ELN: variants seen among roughly 807,000 people sequenced by gnomAD.
ELN encodes tropoelastin.
In ELN, 65 loss-of-function variants were observed where a neutral mutation model predicts 105.8. The ratio of observed to expected loss-of-function variants is 0.61; its 90% confidence interval spans 0.50 to 0.75. The LOEUF (loss-of-function observed/expected upper bound fraction) is 0.75. Among genes scored for constraint, ELN ranks in the 30% least tolerant of loss-of-function variants. The pLI, the probability that ELN is intolerant of heterozygous loss-of-function variation, is 0.00. For synonymous variants in ELN, 368 were observed against 389.2 expected, an observed-to-expected ratio of 0.95 and a Z score of 0.64; for missense variants, 882 against 969.4, an observed-to-expected ratio of 0.91 and a Z score of 1.20.
At chr7:74,067,990 C>T (rs1333435208) in intron 32 of ELN, among the ~76,000 whole-genome samples, 2 of 151,366 alleles carry the variant, frequency 1.3e-5, no homozygotes, top group Admixed American at 1.3e-4. Context: ...GTTCCTGCCC[C>T]ACTCTCTGCT....
chr7:74,039,838 C>G (rs150809218), intron 4 of ELN, among the ~76,000 whole-genome samples: 1 of 152,336 alleles, frequency 6.6e-6, no homozygotes, highest in African/African-American at 2.4e-5. Context: ...TAAGCCTCAT[C>G]GGAGAGGCAA....
chr7:74,066,858 A>G lies in ELN; in HGVS notation c.2131+82A>G. ...TCCTCTCCTGTGCCATCTCCTGCTC[A>G]GAAGGGCTGAGCCAGCACCCAGGGG... On this transcript the variant is annotated intron_variant, in intron 32 of 32. Transcript: ENST00000252034. The G allele has an allele frequency of 4.7e-6, 7 of 1,491,028 alleles. No individual in the cohort carries two copies. In the South Asian group the frequency reaches 6.9e-5, roughly 15 times the overall value. The allele number at this position is 1,491,028 out of a possible 1,614,324, so 92.4% of individuals were successfully genotyped here.
rs1554673912 is a variant in ELN, at chr7:74,048,493, C to G, written c.746-10C>G. On this transcript the variant is annotated splice_polypyrimidine_tract_variant and intron_variant, in intron 14 of 32. Coordinates refer to ENST00000252034, the MANE Select transcript of ELN (RefSeq NM_000501.4). Reference sequence around the variant, plus strand: ...TTTCAAGGTCTCTCCCCTCTGCTTCCTTCCCCCAGGGGTTGGCCCCCAGGC... The same window carrying G: ...TTTCAAGGTCTCTCCCCTCTGCTTCGTTCCCCCAGGGGTTGGCCCCCAGGC... 6.2e-7 allele frequency: 1 copy of G among 1,614,042 alleles called. No homozygotes were observed. Among genetic ancestry groups the G allele is most frequent in the Admixed American group, 1.7e-5 (1 of 60,016 alleles).
At chr7:74,048,258 G>A in intron 14 of ELN, 57 bp downstream of exon 14, 2 of 1,609,852 alleles carry the variant, frequency 1.2e-6, no homozygotes, top group South Asian at 2.2e-5. Flanking sequence ...CCAGGCTCCA[G>A]AGCCCTGGGG....
chr7:74,056,248 A>C, intron 19 of ELN, 23 bp from the exon 20 acceptor site: 2 of 1,614,046 alleles, frequency 1.2e-6, no homozygotes, highest in Middle Eastern at 3.3e-4. Flanking sequence ...CTTCTTTTCT[A>C]CTTGGCTCCC....
rs1325057850 is a variant in ELN, at chr7:74,068,974, C to A, written c.*274C>A. On this transcript the variant is annotated 3_prime_UTR_variant, in exon 33 of 33. Coordinates refer to ENST00000252034, the MANE Select transcript of ELN (RefSeq NM_000501.4). ...CCCACCTAGGAGCTCCCCCTCCACA[C>A]AGCCTCCATCTCCAGGGGAACTTGG... 7.5e-6 allele frequency: 4 copies of A among 531,756 alleles called. No homozygotes were observed. The highest frequency in any genetic ancestry group is 1.9e-5 in the African/African-American group (1 of 52,682). 32.9% of individuals were successfully genotyped at this position (531,756 alleles called of 1,614,324 possible).
rs1267495908 is a variant in ELN at position 74,045,405 on chromosome 7, A to G, written c.541+112A>G. 1.9e-5 allele frequency: 24 copies of G among 1,246,716 alleles called. No homozygotes were observed. In the African/African-American group the frequency reaches 2.8e-4, roughly 15 times the overall value. 77.2% of individuals were successfully genotyped at this position (1,246,716 alleles called of 1,614,324 possible). On this transcript the variant is annotated intron_variant, in intron 10 of 32. Transcript: ENST00000252034. ...ACTGGCTCAGGGCCCTCTGGGTGAC[A>G]CTTTTTATGTTCCAGCCCTGGGCAG...
chr7:74,045,853 G>T (rs971178417), intron 10 of ELN: 1 of 351,662 alleles, frequency 2.8e-6, no homozygotes, highest in Non-Finnish European at 5.4e-6. Flanking sequence ...TGACCAACAC[G>T]GTGAAGCCCT....
intron 26 of ELN, among the ~76,000 whole-genome samples, chr7:74,062,687 A>T (rs2132460780): frequency 6.6e-6 from 1 of 152,144 alleles, no homozygotes; most frequent in East Asian, 1.9e-4. Flanking sequence ...AGTAGCTGGG[A>T]TTACAGGCGC....
intron 1 of ELN, among the ~76,000 whole-genome samples, chr7:74,030,493 G>T (rs1788431363): frequency 6.9e-6 from 1 of 144,516 alleles, no homozygotes; most frequent in Non-Finnish European, 1.5e-5. Context: ...CCTGATTTCA[G>T]AACTGAAGAT....
At chr7:74,052,297 C>G (rs1794219702) in intron 17 of ELN, 2 of 451,832 alleles carry the variant, frequency 4.4e-6, no homozygotes, top group Non-Finnish European at 8.2e-6. Context: ...TCTGACTGTG[C>G]TTTAGGAATA....
intron 32 of ELN, among the ~76,000 whole-genome samples, chr7:74,067,024 A>G (rs1452359384): frequency 6.6e-6 from 1 of 151,962 alleles, no homozygotes; most frequent in South Asian, 2.1e-4. Context: ...GATGGCTCAC[A>G]CCTGTAATCC....
At chr7:74,038,594 G>A (rs970938018) in intron 4 of ELN, among the ~76,000 whole-genome samples, 38 of 152,248 alleles carry the variant, frequency 2.5e-4, no homozygotes, top group African/African-American at 1.7e-4. Flanking sequence ...AAATACTGGC[G>A]GATAAGGAGC....
At chr7:74,045,135 T>G in intron 9 of ELN, 87 bp from the exon 10 acceptor site, 1 of 1,501,746 alleles carries the variant, frequency 6.7e-7, no homozygotes, top group Non-Finnish European at 9.2e-7. Flanking sequence ...CCAAGGGAGG[T>G]CAGCTGGGGG....
chr7:74,036,304 A>T (rs548178228), intron 2 of ELN, among the ~76,000 whole-genome samples: 2 of 152,052 alleles, frequency 1.3e-5, no homozygotes, highest in African/African-American at 2.4e-5. Flanking sequence ...AAAAAAAATT[A>T]AAAAATTAAA....
At chr7:74,052,867 AAG>A in intron 17 of ELN, 2 of 440,648 alleles carry the variant, frequency 4.5e-6, no homozygotes, top group South Asian at 2.6e-5. Flanking sequence ...GAGAGAAAGA[AAG>A]AAAGAGAGAG....
At chr7:74,032,431 C>T (rs1788918392) in intron 1 of ELN, among the ~76,000 whole-genome samples, 1 of 142,424 alleles carries the variant, frequency 7.0e-6, no homozygotes, top group Non-Finnish European at 1.5e-5. Context: ...AGGATCGCCA[C>T]GGGGCCTGGG....
At chr7:74,046,616 T>C (rs2131599474) in intron 11 of ELN, 80 bp from the exon 12 acceptor site, 2 of 1,485,326 alleles carry the variant, frequency 1.3e-6, no homozygotes. Context: ...GCTCCTTCTG[T>C]CTGAGCAGAA....
rs782496342 is a variant in ELN at position 74,063,254 on chromosome 7, G to T, written c.1858+30G>T. On this transcript the variant is annotated intron_variant, in intron 27 of 32. Coordinates refer to ENST00000252034, the MANE Select transcript of ELN (RefSeq NM_000501.4). The surrounding 1 kb of genome is among the most constrained non-coding windows in gnomAD (Gnocchi z 4.1). ...GTTGAAACCCCAGGAGGGGCAGGGT[G>T]GGGAGGGAATCTAACCAGTACAGAG... The T allele has an allele frequency of 4.4e-6, 7 of 1,596,582 alleles. No individual in the cohort carries two copies. In the South Asian group the frequency reaches 4.6e-5, roughly 10 times the overall value.
Sources: gnomAD v4.1 joint callset for allele counts (sites outside exome capture counted in the v4.1 genomes callset) on GRCh38, gnomAD v4.1.1 for gene constraint, Gnocchi (gnomAD v3.1) non-coding constraint, MANE v1.5 for transcripts, NCBI Gene and HGNC (gene_info 2026-07-23, HGNC 2026-07-21) for gene names.